Variants in PCDHGB3 observed in about 807,000 individuals in gnomAD.
The protein encoded by PCDHGB3 is protocadherin gamma subfamily B, 3.
In PCDHGB3, 40 loss-of-function variants were observed where a neutral mutation model predicts 59.2. The observed-to-expected ratio is 0.68, with a 90% CI of 0.52 to 0.88. PCDHGB3 has a LOEUF of 0.88. PCDHGB3 is among the 40% of genes least tolerant of loss of function. The pLI is 0.00. For synonymous variants in PCDHGB3, 581 were observed against 503.6 expected, an observed-to-expected ratio of 1.15 and a Z score of -2.06; for missense variants, 1,309 against 1,187.9, an observed-to-expected ratio of 1.10 and a Z score of -1.50.
intron 1 of PCDHGB3, among the ~76,000 whole-genome samples, chr5:141,380,213 T>C (rs1284651338): frequency 1.3e-5 from 2 of 152,186 alleles, no homozygotes; most frequent in Admixed American, 6.5e-5. Context: ...AAGGCATTCA[T>C]TTCTGATCAG....
chr5:141,455,737 A>T (rs1290390106), intron 1 of PCDHGB3, among the ~76,000 whole-genome samples: 1 of 152,162 alleles, frequency 6.6e-6, no homozygotes, highest in Non-Finnish European at 1.5e-5. Context: ...TTTGCATATC[A>T]AAGGTTGCTG....
At chr5:141,438,591 C>CATACATAT (rs1228520343) in intron 1 of PCDHGB3, among the ~76,000 whole-genome samples, 2 of 75,562 alleles carry the variant, frequency 2.6e-5, no homozygotes, top group African/African-American at 4.5e-5. Context: ...TACATACATA[C>CATACATAT]ATATATATAT....
At chr5:141,405,505 C>A in intron 1 of PCDHGB3, 2 of 751,126 alleles carry the variant, frequency 2.7e-6, no homozygotes, top group Non-Finnish European at 4.2e-6. Context: ...TTGCAACCTC[C>A]GCCTCCCAAA....
chr5:141,391,570 A>G (rs931571256), intron 1 of PCDHGB3: 4 of 152,236 alleles, frequency 2.6e-5, no homozygotes, highest in African/African-American at 7.2e-5. Context: ...TGCATAAGAA[A>G]ATATATTCAC....
intron 1 of PCDHGB3, chr5:141,385,077 G>A (rs752305852): frequency 9.9e-6 from 16 of 1,614,096 alleles, no homozygotes; most frequent in Non-Finnish European, 1.4e-5. Flanking sequence ...GCCTGCTGCA[G>A]GCTTCAGAAG....
Position 141,383,049 on chromosome 5 carries a change from G to C in PCDHGB3, c.2415+10240G>C, listed in dbSNP as rs779106714. 2.0e-5 allele frequency: 32 copies of C among 1,613,788 alleles called. No homozygotes were observed. Among genetic ancestry groups the C allele is most frequent in the Non-Finnish European group, 2.7e-5 (32 of 1,179,922 alleles). ...GGTCCTTTGTGGGAGACATCGCCAAGGACCTGGGGCTGGAGCCCCGGGAGC... is the reference window on the plus strand; with the variant it reads ...GGTCCTTTGTGGGAGACATCGCCAACGACCTGGGGCTGGAGCCCCGGGAGC... On this transcript the variant is annotated intron_variant, in intron 1 of 3. Coordinates refer to ENST00000576222, the MANE Select transcript of PCDHGB3 (RefSeq NM_018924.5).
chr5:141,376,317 G>A, intron 1 of PCDHGB3: 1 of 1,614,202 alleles, frequency 6.2e-7, no homozygotes, highest in East Asian at 2.2e-5. Flanking sequence ...GGCGTGGAAG[G>A]GGTTCGGGCT....
At chr5:141,455,360 A>C (rs2098820130) in intron 1 of PCDHGB3, among the ~76,000 whole-genome samples, 1 of 152,112 alleles carries the variant, frequency 6.6e-6, no homozygotes, top group Non-Finnish European at 1.5e-5. Context: ...TTAATAGGCA[A>C]GAAGGAAGGG....
intron 1 of PCDHGB3, chr5:141,420,214 C>T: frequency 6.2e-7 from 1 of 1,611,064 alleles, no homozygotes; most frequent in Non-Finnish European, 8.5e-7. Context: ...ACAAAGATAG[C>T]ATGCTACTGG....
At position 141,414,415 on chromosome 5, in the gene PCDHGB3, C is replaced by T. The variant is rs769791452; in HGVS notation, c.2415+41606C>T. ...TTACAGATTGGTGATACACAGAGCC[C>T]TTGACAGGGAACAGGTATCCTCTTA... On this transcript the variant is annotated intron_variant, in intron 1 of 3. Coordinates refer to ENST00000576222, the MANE Select transcript of PCDHGB3 (RefSeq NM_018924.5). The T allele has an allele frequency of 2.5e-6, 4 of 1,613,758 alleles. No individual in the cohort carries two copies. Among genetic ancestry groups the T allele is most frequent in the Non-Finnish European group, 8.5e-7 (1 of 1,179,880 alleles).
intron 1 of PCDHGB3, chr5:141,421,860 C>G: frequency 8.1e-6 from 13 of 1,613,750 alleles, no homozygotes; most frequent in Non-Finnish European, 1.1e-5. Context: ...CTCACCTGCT[C>G]CTCCTCACAG....
At chr5:141,501,127 T>C (rs2099805755) in intron 2 of PCDHGB3, among the ~76,000 whole-genome samples, 5 of 152,024 alleles carry the variant, frequency 3.3e-5, no homozygotes, top group Non-Finnish European at 7.4e-5. Context: ...TCAGCCTCCC[T>C]AAGTGCTGGG....
At chr5:141,403,699 TAA>T in intron 1 of PCDHGB3, 1 of 1,613,934 alleles carries the variant, frequency 6.2e-7, no homozygotes, top group East Asian at 2.2e-5. Context: ...TTTACCGAGT[TAA>T]AGTCCTTGAG....
intron 1 of PCDHGB3, chr5:141,417,664 C>T: frequency 1.1e-6 from 1 of 911,118 alleles, no homozygotes; most frequent in Non-Finnish European, 1.6e-6. Context: ...CTGGGATTCC[C>T]TGCGCAGCCA....
intron 1 of PCDHGB3, among the ~76,000 whole-genome samples, chr5:141,455,177 T>C (rs2098816411): frequency 6.6e-6 from 1 of 152,040 alleles, no homozygotes; most frequent in Non-Finnish European, 1.5e-5. Context: ...TTTTAGTTTT[T>C]TTATTTCTCT....
At position 141,432,707 on chromosome 5, in the gene PCDHGB3, G is replaced by A. The variant is rs750859951; in HGVS notation, c.2415+59898G>A. ...CCTCGTAGTGGCCGTCCAGGACCAC[G>A]GCCAGCCCCCTCTCTCCGCCACTGT... On this transcript the variant is annotated intron_variant, in intron 1 of 3. Coordinates refer to ENST00000576222, the MANE Select transcript of PCDHGB3 (RefSeq NM_018924.5). The surrounding 1 kb of genome is among the most constrained non-coding windows in gnomAD (Gnocchi z 6.0). 5 of 1,613,988 alleles carry A rather than the reference G, an allele frequency of 3.1e-6. No individual in the cohort carries two copies. Among genetic ancestry groups the A allele is most frequent in the Non-Finnish European group, 4.2e-6 (5 of 1,179,970 alleles).
At chr5:141,422,900 A>G (rs2096684887) in intron 1 of PCDHGB3, 2 of 1,614,220 alleles carry the variant, frequency 1.2e-6, no homozygotes, top group South Asian at 2.2e-5. Flanking sequence ...GACCAGAACG[A>G]CAATGCGCCC....
intron 1 of PCDHGB3, among the ~76,000 whole-genome samples, chr5:141,425,318 G>A (rs1304835508): frequency 1.3e-5 from 2 of 152,158 alleles, no homozygotes; most frequent in Non-Finnish European, 2.9e-5. Context: ...TCCCAAGATC[G>A]TGGAGAACAA....
chr5:141,393,635 C>A (rs370544677), intron 1 of PCDHGB3: 1 of 1,613,750 alleles, frequency 6.2e-7, no homozygotes, highest in African/African-American at 1.3e-5. Context: ...AGGGAATCAA[C>A]GGAAAAGTGG....
Sources: gnomAD v4.1 joint callset for allele counts (sites outside exome capture counted in the v4.1 genomes callset) on GRCh38, gnomAD v4.1.1 for gene constraint, Gnocchi (gnomAD v3.1) non-coding constraint, MANE v1.5 for transcripts, NCBI Gene and HGNC (gene_info 2026-07-23, HGNC 2026-07-21) for gene names.